TGFBR3: variants seen among roughly 807,000 people sequenced by gnomAD.
TGFBR3 encodes transforming growth factor beta receptor type 3.
In TGFBR3, 46 loss-of-function variants were observed where a neutral mutation model predicts 87.9. That is an observed-to-expected ratio of 0.52 (90% CI 0.41 to 0.67). The LOEUF (loss-of-function observed/expected upper bound fraction) is 0.67. Ranked by LOEUF, TGFBR3 falls within the 30% of genes least tolerant of loss-of-function variation. TGFBR3 has a pLI of 0.00. For synonymous variants in TGFBR3, 381 were observed against 391.6 expected (o/e 0.97, Z 0.32); for missense variants, 866 against 1,041.9 (o/e 0.83, Z 2.32).
chr1:91,763,363 T>C lies in TGFBR3; in HGVS notation c.247-4613A>G, dbSNP rs1001184347. On this transcript the variant is annotated intron_variant, in intron 3 of 16. Transcript: ENST00000212355. Reference sequence around the variant, plus strand: ...TCAGTGAGGTCCATTTCAACATTTCTGATTCTTAGAACAGCCCCTGTGGGC... The same window carrying C: ...TCAGTGAGGTCCATTTCAACATTTCCGATTCTTAGAACAGCCCCTGTGGGC... Among the ~76,000 whole-genome samples, 32 of 152,226 alleles carry C rather than the reference T, an allele frequency of 2.1e-4. 1 individual carries two copies. The highest frequency in any genetic ancestry group is 7.7e-4 in the African/African-American group (32 of 41,462).
chr1:91,854,441 G>A (rs1018726861), intron 2 of TGFBR3, among the ~76,000 whole-genome samples: 1 of 151,992 alleles, frequency 6.6e-6, no homozygotes. Context: ...CTGACATACA[G>A]AGCCACCTCC....
intron 12 of TGFBR3, 58 bp downstream of exon 12, chr1:91,716,178 C>G (rs148326691): frequency 3.0e-4 from 490 of 1,607,424 alleles, no homozygotes; most frequent in Non-Finnish European, 3.5e-4. Flanking sequence ...TAGCTGATGT[C>G]TAAGGAACTA....
intron 3 of TGFBR3, among the ~76,000 whole-genome samples, chr1:91,794,765 C>T (rs182471535): frequency 6.6e-6 from 1 of 152,224 alleles, no homozygotes; most frequent in East Asian, 1.9e-4. Context: ...TATGGATATA[C>T]CATATTTTAT....
chr1:91,872,677 T>G (rs566869768), intron 1 of TGFBR3, among the ~76,000 whole-genome samples: 2 of 152,282 alleles, frequency 1.3e-5, no homozygotes, highest in Non-Finnish European at 2.9e-5. Context: ...TGTTTCCCCC[T>G]GCCCTCTTCC....
At chr1:91,823,063 T>C (rs1222156197) in intron 2 of TGFBR3, among the ~76,000 whole-genome samples, 1 of 152,170 alleles carries the variant, frequency 6.6e-6, no homozygotes, top group Non-Finnish European at 1.5e-5. Flanking sequence ...ATTTTCCTTC[T>C]TCAAGGAGCT....
At position 91,682,303 on chromosome 1, in the gene TGFBR3, A is replaced by T. The variant is rs111695686; in HGVS notation, c.*1436T>A. 6.5e-4 allele frequency: 297 copies of T among 453,772 alleles called. No homozygotes were observed. Among genetic ancestry groups the T allele is most frequent in the Non-Finnish European group, 1.0e-3 (234 of 226,706 alleles). The allele number at this position is 453,772 out of a possible 1,614,324, so 28.1% of individuals were successfully genotyped here. A position where few individuals can be genotyped will look rare whatever the true frequency, so the allele number is the denominator to read the frequency against. ...AGAATCTATCTTGTTCTACTTATGG[A>T]ATTCTAAGTTGTTTGGGGGAAATTC... On this transcript the variant is annotated 3_prime_UTR_variant, in exon 17 of 17. Transcript: ENST00000212355.
chr1:91,706,309 G>A (rs4370805), intron 14 of TGFBR3, among the ~76,000 whole-genome samples: 54,767 of 152,070 alleles, frequency 0.36, 10,205 homozygotes, highest in East Asian at 0.46. Flanking sequence ...TAAAGACCCC[G>A]CTGATAAAGC....
At chr1:91,824,847 C>G (rs1457955828) in intron 2 of TGFBR3, among the ~76,000 whole-genome samples, 2 of 152,100 alleles carry the variant, frequency 1.3e-5, no homozygotes, top group East Asian at 3.8e-4. Flanking sequence ...GTAATCCCAG[C>G]TACTTGGGAG....
chr1:91,697,393 G>A (rs963939327), intron 15 of TGFBR3, among the ~76,000 whole-genome samples: 1 of 152,088 alleles, frequency 6.6e-6, no homozygotes, highest in Non-Finnish European at 1.5e-5. Flanking sequence ...CTTAGGAAAG[G>A]AAAAAAAGCA....
chr1:91,688,432 T>C (rs1400728674), intron 16 of TGFBR3, among the ~76,000 whole-genome samples: 1 of 152,206 alleles, frequency 6.6e-6, no homozygotes, highest in East Asian at 1.9e-4. Flanking sequence ...CTCTGGTTTG[T>C]TCAATGGCTA....
At chr1:91,732,317 G>GCAAGCATGCT (rs1445569820) in intron 5 of TGFBR3, among the ~76,000 whole-genome samples, 4 of 152,104 alleles carry the variant, frequency 2.6e-5, no homozygotes, top group African/African-American at 9.7e-5. Flanking sequence ...GTTCCCAAAC[G>GCAAGCATGCT]TCAGCAAGCA....
chr1:91,793,853 G>A (rs1173346482), intron 3 of TGFBR3, among the ~76,000 whole-genome samples: 2 of 150,050 alleles, frequency 1.3e-5, no homozygotes, highest in Non-Finnish European at 3.0e-5. Flanking sequence ...CACAAAGGCT[G>A]CCTCTGGCCC....
intron 3 of TGFBR3, among the ~76,000 whole-genome samples, chr1:91,760,902 G>A (rs1030645040): frequency 1.3e-5 from 2 of 152,188 alleles, no homozygotes; most frequent in African/African-American, 2.4e-5. Context: ...ACACACTATG[G>A]AGAATGAAGG....
At chr1:91,833,625 A>C (rs1254374214) in intron 2 of TGFBR3, among the ~76,000 whole-genome samples, 1 of 151,816 alleles carries the variant, frequency 6.6e-6, no homozygotes, top group East Asian at 1.9e-4. Flanking sequence ...AATTAAAAAA[A>C]AAATTGGCTG....
At chr1:91,815,456 T>C (rs960055521) in intron 2 of TGFBR3, among the ~76,000 whole-genome samples, 2 of 152,002 alleles carry the variant, frequency 1.3e-5, no homozygotes, top group Non-Finnish European at 2.9e-5. Flanking sequence ...AAAGATAACA[T>C]CAATAAGTAT....
chr1:91,774,590 G>A lies in TGFBR3; in HGVS notation c.247-15840C>T, dbSNP rs80024306. On this transcript the variant is annotated intron_variant, in intron 3 of 16. Coordinates refer to ENST00000212355, the MANE Select transcript of TGFBR3 (RefSeq NM_003243.5). ...TCCCACTGTCAGGTTCTCAAATGCC[G>A]TTTTGATGGGATAAATCCTCCTCAG... is the stretch of plus-strand genomic sequence containing the variant. Among the ~76,000 whole-genome samples the A allele has an allele frequency of 5.2e-3, 792 of 152,216 alleles. 12 individuals carry two copies. The highest frequency in any genetic ancestry group is 0.018 in the African/African-American group (743 of 41,536).
chr1:91,803,101 C>T (rs1421001313), intron 2 of TGFBR3, among the ~76,000 whole-genome samples: 1 of 152,206 alleles, frequency 6.6e-6, no homozygotes, highest in Non-Finnish European at 1.5e-5. Flanking sequence ...CTCTGCTGTC[C>T]AGATGAAGCC....
intron 16 of TGFBR3, among the ~76,000 whole-genome samples, chr1:91,695,155 A>C (rs1671389633): frequency 6.7e-6 from 1 of 148,996 alleles, no homozygotes; most frequent in South Asian, 2.1e-4. Context: ...TAGAAAATTT[A>C]ACTTTATAGA....
intron 12 of TGFBR3, among the ~76,000 whole-genome samples, chr1:91,714,652 A>G (rs1373040274): frequency 6.6e-6 from 1 of 152,250 alleles, no homozygotes; most frequent in Non-Finnish European, 1.5e-5. Flanking sequence ...AAGATTGACC[A>G]CTGATTAGCA....
Sources: gnomAD v4.1 joint callset for allele counts (sites outside exome capture counted in the v4.1 genomes callset) on GRCh38, gnomAD v4.1.1 for gene constraint, MANE v1.5 for transcripts, NCBI Gene and HGNC (gene_info 2026-07-23, HGNC 2026-07-21) for gene names.